Variants in LUZP2 observed in about 807,000 individuals in gnomAD.
The protein encoded by LUZP2 is leucine zipper protein 2.
Under a neutral mutation model 51.6 loss-of-function variants are expected in LUZP2, and 52 were observed. That is an observed-to-expected ratio of 1.01 (90% CI 0.81 to 1.27). LUZP2 has a LOEUF of 1.27. Ranked by LOEUF, LUZP2 falls within the 50% of genes most tolerant of loss-of-function variation. The probability of loss-of-function intolerance (pLI) is 0.00; values close to 1 mark genes in which losing one functional copy is unlikely to be tolerated. For missense variants in LUZP2, 436 were observed against 395.4 expected (o/e 1.10, Z -0.87); for synonymous variants, 154 against 137.3 (o/e 1.12, Z -0.85).
chr11:24,934,274 A>G (rs1169683137), intron 7 of LUZP2, among the ~76,000 whole-genome samples: 1 of 152,312 alleles, frequency 6.6e-6, no homozygotes, highest in East Asian at 1.9e-4. Context: ...CGGAGGCCTG[A>G]CACATACATC....
At chr11:24,742,251 CT>C (rs1442948111) in intron 4 of LUZP2, among the ~76,000 whole-genome samples, 1 of 151,222 alleles carries the variant, frequency 6.6e-6, no homozygotes, top group Non-Finnish European at 1.5e-5. Flanking sequence ...GGTAGTTCTA[CT>C]TTTACTTATT....
chr11:24,832,520 T>A (rs755311884), intron 5 of LUZP2, among the ~76,000 whole-genome samples: 1 of 151,514 alleles, frequency 6.6e-6, no homozygotes, highest in Non-Finnish European at 1.5e-5. Context: ...TTCTATAATA[T>A]CTTGTTAATG....
rs1411091523 is a variant in LUZP2 at position 24,876,406 on chromosome 11, G to A, written c.397-29585G>A. On this transcript the variant is annotated intron_variant, in intron 5 of 11. Transcript: ENST00000336930. ...CAGGTTTGTCAAAGATGAGATAGTT[G>A]TAGATATGCGGCGTTATTTCTGAGG... 3.0e-3 allele frequency among the ~76,000 whole-genome samples: 453 copies of A among 149,788 alleles called. 3 individuals carry two copies. Among genetic ancestry groups the A allele is most frequent in the African/African-American group, 0.01 (424 of 40,446 alleles).
At chr11:24,601,936 A>ATG (rs1853665315) in intron 1 of LUZP2, among the ~76,000 whole-genome samples, 1 of 135,918 alleles carries the variant, frequency 7.4e-6, no homozygotes. Flanking sequence ...ATATGTATAT[A>ATG]TGTATATATG....
chr11:24,593,959 G>A, intron 1 of LUZP2, among the ~76,000 whole-genome samples: 1 of 152,102 alleles, frequency 6.6e-6, no homozygotes, highest in East Asian at 1.9e-4. Flanking sequence ...ATCTTCCGGA[G>A]GGCAGGATTT....
intron 1 of LUZP2, among the ~76,000 whole-genome samples, chr11:24,599,056 G>C (rs1324642956): frequency 6.6e-6 from 1 of 152,028 alleles, no homozygotes; most frequent in Non-Finnish European, 1.5e-5. Context: ...AATTTCCCTG[G>C]TGCTGTACTA....
intron 5 of LUZP2, among the ~76,000 whole-genome samples, chr11:24,833,733 T>TACACAC (rs1850775029): frequency 4.8e-5 from 5 of 103,396 alleles, no homozygotes; most frequent in African/African-American, 1.2e-4. Flanking sequence ...CACACACACT[T>TACACAC]GATTCCATTG....
intron 7 of LUZP2, among the ~76,000 whole-genome samples, chr11:24,958,451 G>A (rs1052279810): frequency 1.3e-5 from 2 of 152,106 alleles, no homozygotes; most frequent in African/African-American, 4.8e-5. Context: ...CATTCTAACT[G>A]GTGTGAGATG....
intron 9 of LUZP2, among the ~76,000 whole-genome samples, chr11:25,045,269 G>T (rs1858268950): frequency 6.6e-6 from 1 of 151,812 alleles, no homozygotes; most frequent in Non-Finnish European, 1.5e-5. Flanking sequence ...GCAAAATTAA[G>T]TGGAATAGCA....
chr11:24,824,179 C>A (rs1417751798), intron 5 of LUZP2, among the ~76,000 whole-genome samples: 2 of 151,124 alleles, frequency 1.3e-5, no homozygotes, highest in Non-Finnish European at 2.9e-5. Flanking sequence ...GCCTGACCAA[C>A]ATGGAGAAAT....
At chr11:24,865,427 G>A (rs758368446) in intron 5 of LUZP2, among the ~76,000 whole-genome samples, 2 of 152,170 alleles carry the variant, frequency 1.3e-5, no homozygotes, top group Non-Finnish European at 2.9e-5. Flanking sequence ...CTATGGCAAA[G>A]ATTTAGTAAA....
At chr11:25,044,850 A>C (rs1858243237) in intron 9 of LUZP2, among the ~76,000 whole-genome samples, 1 of 152,066 alleles carries the variant, frequency 6.6e-6, no homozygotes, top group Non-Finnish European at 1.5e-5. Flanking sequence ...AAAATGTGGC[A>C]CATATACACC....
chr11:24,683,178 C>T (rs1346478076), intron 1 of LUZP2, among the ~76,000 whole-genome samples: 1 of 152,156 alleles, frequency 6.6e-6, no homozygotes, highest in Non-Finnish European at 1.5e-5. Flanking sequence ...GGCCGGCAGG[C>T]TAGACAAAGA....
At chr11:24,570,646 GA>G (rs1852404316) in intron 1 of LUZP2, among the ~76,000 whole-genome samples, 1 of 151,960 alleles carries the variant, frequency 6.6e-6, no homozygotes, top group Non-Finnish European at 1.5e-5. Context: ...TTCACTTTAA[GA>G]AATGGTACAG....
In LUZP2 at chr11:24,786,026, G is replaced by A. The variant is rs1006493088; in HGVS notation, c.396+22718G>A. ...AAGTGGTACCCAGAGTTGGGGCACC[G>A]AGTACATCAATGTATTAACTCATCT... On this transcript the variant is annotated intron_variant, in intron 5 of 11. Coordinates refer to ENST00000336930, the MANE Select transcript of LUZP2 (RefSeq NM_001009909.4). 31 of 985,122 alleles carry A rather than the reference G, an allele frequency of 3.1e-5. No homozygotes were observed. The Admixed American group carries it at 8.0e-4, about 25-fold the overall frequency. 61.0% of individuals were successfully genotyped at this position (985,122 alleles called of 1,614,324 possible).
intron 1 of LUZP2, among the ~76,000 whole-genome samples, chr11:24,612,423 T>G (rs1032806796): frequency 8.5e-5 from 13 of 152,262 alleles, no homozygotes; most frequent in African/African-American, 3.1e-4. Context: ...TACAAATTGA[T>G]ACTCTTTGGA....
chr11:24,905,653 T>C (rs1295048718), intron 5 of LUZP2, among the ~76,000 whole-genome samples: 1 of 152,208 alleles, frequency 6.6e-6, no homozygotes, highest in African/African-American at 2.4e-5. Flanking sequence ...TTCTCCAGTA[T>C]AGACTGTATT....
chr11:24,936,036 A>G (rs1310467900), intron 7 of LUZP2, among the ~76,000 whole-genome samples: 1 of 152,136 alleles, frequency 6.6e-6, no homozygotes, highest in Admixed American at 6.5e-5. Context: ...ATTTCACTTT[A>G]TTTCATTACT....
intron 1 of LUZP2, among the ~76,000 whole-genome samples, chr11:24,577,984 C>T (rs1002902883): frequency 4.6e-5 from 7 of 152,088 alleles, no homozygotes; most frequent in Non-Finnish European, 7.4e-5. Context: ...CATCAGCGTT[C>T]TGTACTTCTT....
Sources: gnomAD v4.1 joint callset for allele counts (sites outside exome capture counted in the v4.1 genomes callset) on GRCh38, gnomAD v4.1.1 for gene constraint, MANE v1.5 for transcripts, NCBI Gene and HGNC (gene_info 2026-07-23, HGNC 2026-07-21) for gene names.